BBX: variants seen among roughly 807,000 people sequenced by gnomAD.
The protein encoded by BBX is HMG box transcription factor BBX.
BBX carries 30 observed loss-of-function variants against 100.2 expected under a neutral mutation model. The observed-to-expected ratio is 0.30, with a 90% CI of 0.22 to 0.41. The LOEUF (loss-of-function observed/expected upper bound fraction) is 0.41, where lower values mean the gene tolerates loss of function less well. Ranked by LOEUF, BBX falls within the 10% of genes least tolerant of loss-of-function variation. The pLI is 1.00. For synonymous variants in BBX, 376 were observed against 388.1 expected (o/e 0.97, Z 0.37); for missense variants, 1,023 against 1,129.8 (o/e 0.91, Z 1.35).
intron 2 of BBX, among the ~76,000 whole-genome samples, chr3:107,616,437 T>C (rs573827353): frequency 1.6e-4 from 24 of 149,596 alleles, no homozygotes; most frequent in Admixed American, 3.9e-4. Context: ...TTTTTGTTTT[T>C]GTTTTTGTTT....
At chr3:107,792,710 A>G (rs2069185462) in intron 15 of BBX, among the ~76,000 whole-genome samples, 1 of 152,202 alleles carries the variant, frequency 6.6e-6, no homozygotes. Flanking sequence ...TAACATCCTC[A>G]AATTGATACA....
chr3:107,789,131 G>A (rs543884109), intron 13 of BBX, among the ~76,000 whole-genome samples: 36 of 152,160 alleles, frequency 2.4e-4, no homozygotes, highest in African/African-American at 8.2e-4. Context: ...ATGCCACCGG[G>A]GCTTTGGGGA....
intron 5 of BBX, among the ~76,000 whole-genome samples, chr3:107,723,086 A>G (rs35456284): frequency 0.081 from 12,285 of 151,994 alleles, 684 homozygotes; most frequent in Non-Finnish European, 0.12. Context: ...CTTTTTCACA[A>G]TTTTGGTAGA....
rs551967703 is a variant in BBX, at chr3:107,686,900, T to C, written c.-9-23552T>C. Among the ~76,000 whole-genome samples, 22 of 152,284 alleles carry C rather than the reference T, an allele frequency of 1.4e-4. No individual in the cohort carries two copies. In the South Asian group the frequency reaches 4.1e-3, roughly 29 times the overall value. On this transcript the variant is annotated intron_variant, in intron 3 of 17. Transcript: ENST00000325805. ...CCGTTAAAGGTCCAGATCTCCTAATTTCTGAAAGTTTAACATCTCCATAAT... is the reference window on the plus strand; with the variant it reads ...CCGTTAAAGGTCCAGATCTCCTAATCTCTGAAAGTTTAACATCTCCATAAT...
At chr3:107,770,860 G>A (rs979353042) in intron 10 of BBX, among the ~76,000 whole-genome samples, 2 of 152,112 alleles carry the variant, frequency 1.3e-5, no homozygotes, top group Non-Finnish European at 2.9e-5. Flanking sequence ...GATTGGTGAT[G>A]CATTGAAAAT....
chr3:107,532,794 A>C (rs1373454043), intron 2 of BBX, among the ~76,000 whole-genome samples: 4 of 152,178 alleles, frequency 2.6e-5, no homozygotes, highest in Non-Finnish European at 5.9e-5. Context: ...GGCATTTCCT[A>C]ATTTTTAAGG....
In BBX at chr3:107,625,560, A is replaced by G. The variant is rs576909361; in HGVS notation, c.-83-20276A>G. Among the ~76,000 whole-genome samples, 7 of 152,374 alleles carry G rather than the reference A, an allele frequency of 4.6e-5. No individual in the cohort carries two copies. In the South Asian group the frequency reaches 1.2e-3, roughly 27 times the overall value. On this transcript the variant is annotated intron_variant, in intron 2 of 17. Coordinates refer to ENST00000325805, the MANE Select transcript of BBX (RefSeq NM_001142568.3). Reference sequence around the variant, plus strand: ...TGGCCTCCCAAAGTGCTGTGATTACAGATGGGAGCCACCATGCCTGGTAAT... The same window carrying G: ...TGGCCTCCCAAAGTGCTGTGATTACGGATGGGAGCCACCATGCCTGGTAAT...
intron 2 of BBX, among the ~76,000 whole-genome samples, chr3:107,627,972 T>A (rs570933147): frequency 6.6e-6 from 1 of 152,064 alleles, no homozygotes; most frequent in Non-Finnish European, 1.5e-5. Context: ...TACTGGAAAA[T>A]GTCCATCATT....
chr3:107,651,836 C>A (rs1167792941), intron 3 of BBX, among the ~76,000 whole-genome samples: 1 of 152,002 alleles, frequency 6.6e-6, no homozygotes, highest in Non-Finnish European at 1.5e-5. Flanking sequence ...GCTTGAATTT[C>A]TCAACCTGCC....
At chr3:107,767,153 G>A (rs1038705328) in intron 10 of BBX, among the ~76,000 whole-genome samples, 2 of 152,168 alleles carry the variant, frequency 1.3e-5, no homozygotes, top group Non-Finnish European at 1.5e-5. Context: ...ATACCTATGT[G>A]ACAACTGTGC....
At chr3:107,606,534 G>A (rs574563718) in intron 2 of BBX, among the ~76,000 whole-genome samples, 10 of 152,112 alleles carry the variant, frequency 6.6e-5, no homozygotes, top group African/African-American at 2.4e-4. Flanking sequence ...AACATCCTTG[G>A]TTTCTCTACC....
chr3:107,588,536 A>G (rs1245191260), intron 2 of BBX, among the ~76,000 whole-genome samples: 3 of 152,202 alleles, frequency 2.0e-5, no homozygotes, highest in African/African-American at 7.2e-5. Context: ...GCTAGCATGA[A>G]TTCTGGAATC....
chr3:107,791,681 T>C (rs373188381), intron 15 of BBX, among the ~76,000 whole-genome samples: 1 of 152,194 alleles, frequency 6.6e-6, no homozygotes, highest in Non-Finnish European at 1.5e-5. Context: ...GAGTAACTTC[T>C]GACCTGGGTG....
At position 107,807,997 on chromosome 3, in the gene BBX, G is replaced by A. The variant is rs2071145374; in HGVS notation, c.*2540G>A. ...GAGTAAAGTCTTGATTTCAATAATTGTGCTTCTCATGCCCTGAAACTGCTG... is the reference window on the plus strand; with the variant it reads ...GAGTAAAGTCTTGATTTCAATAATTATGCTTCTCATGCCCTGAAACTGCTG... On this transcript the variant is annotated 3_prime_UTR_variant, in exon 18 of 18. Coordinates refer to ENST00000325805, the MANE Select transcript of BBX (RefSeq NM_001142568.3). 1 of 152,114 alleles carries A rather than the reference G, an allele frequency of 6.6e-6. No homozygotes were observed. The highest frequency in any genetic ancestry group is 2.4e-5 in the African/African-American group (1 of 41,412). 9.4% of individuals were successfully genotyped at this position (152,114 alleles called of 1,614,324 possible). A position where few individuals can be genotyped will look rare whatever the true frequency, so the allele number is the denominator to read the frequency against.
At chr3:107,653,714 A>G (rs900341682) in intron 3 of BBX, among the ~76,000 whole-genome samples, 4 of 152,176 alleles carry the variant, frequency 2.6e-5, no homozygotes, top group Non-Finnish European at 5.9e-5. Context: ...CTTATGACAG[A>G]AATGTTCTGT....
chr3:107,750,451 C>G (rs1307743520), intron 9 of BBX, among the ~76,000 whole-genome samples: 3 of 152,150 alleles, frequency 2.0e-5, no homozygotes, highest in Non-Finnish European at 1.5e-5. Context: ...CAAGATATAA[C>G]TTTTCCTAGT....
chr3:107,568,422 G>T (rs914060014), intron 2 of BBX, among the ~76,000 whole-genome samples: 8 of 151,906 alleles, frequency 5.3e-5, no homozygotes, highest in Admixed American at 2.6e-4. Context: ...CCGCCACCAC[G>T]CTTGGCTAAT....
chr3:107,544,352 A>G (rs1367517343), intron 2 of BBX, among the ~76,000 whole-genome samples: 1 of 152,186 alleles, frequency 6.6e-6, no homozygotes, highest in African/African-American at 2.4e-5. Flanking sequence ...GTCGTCACAG[A>G]GATACAGATC....
chr3:107,762,350 C>T (rs1029674748), intron 10 of BBX, among the ~76,000 whole-genome samples: 2 of 152,174 alleles, frequency 1.3e-5, no homozygotes, highest in African/African-American at 4.8e-5. Context: ...CAGCAAACTA[C>T]AGAACTGTTA....
Sources: gnomAD v4.1 joint callset for allele counts (sites outside exome capture counted in the v4.1 genomes callset) on GRCh38, gnomAD v4.1.1 for gene constraint, MANE v1.5 for transcripts, NCBI Gene and HGNC (gene_info 2026-07-23, HGNC 2026-07-21) for gene names.